UVRAG: variants seen among roughly 807,000 people sequenced by gnomAD.
UVRAG encodes UV radiation resistance-associated gene protein.
Under a neutral mutation model 78.0 loss-of-function variants are expected in UVRAG, and 19 were observed. That is an observed-to-expected ratio of 0.24 (90% CI 0.17 to 0.36). The LOEUF (loss-of-function observed/expected upper bound fraction) is 0.36, where lower values mean the gene tolerates loss of function less well. UVRAG is among the 10% of genes least tolerant of loss of function. UVRAG has a pLI of 1.00. For synonymous variants in UVRAG, 323 were observed against 324.6 expected, an observed-to-expected ratio of 1.00 and a Z score of 0.05; for missense variants, 740 against 853.8, an observed-to-expected ratio of 0.87 and a Z score of 1.66.
At chr11:76,109,896 CCCCT>C (rs1952041286) in intron 13 of UVRAG, among the ~76,000 whole-genome samples, 1 of 152,164 alleles carries the variant, frequency 6.6e-6, no homozygotes, top group African/African-American at 2.4e-5. Flanking sequence ...TTCACCAGGT[CCCCT>C]GACCACTCAC....
intron 12 of UVRAG, among the ~76,000 whole-genome samples, chr11:76,041,662 C>A (rs1950650236): frequency 6.6e-6 from 1 of 152,186 alleles, no homozygotes; most frequent in African/African-American, 2.4e-5. Flanking sequence ...AAATCTTACC[C>A]AAATTTATCT....
At chr11:75,976,878 C>T (rs1949255344) in intron 7 of UVRAG, among the ~76,000 whole-genome samples, 1 of 151,978 alleles carries the variant, frequency 6.6e-6, no homozygotes, top group South Asian at 2.1e-4. Context: ...TTCAGTTCTG[C>T]TCTCATCTTA....
At chr11:76,022,929 T>TTATA (rs537147831) in intron 12 of UVRAG, among the ~76,000 whole-genome samples, 58 of 152,296 alleles carry the variant, frequency 3.8e-4, no homozygotes, top group Admixed American at 9.2e-4. Flanking sequence ...TCTGTGTATT[T>TTATA]TATAGATTTT....
intron 1 of UVRAG, among the ~76,000 whole-genome samples, chr11:75,828,758 T>C (rs1029948617): frequency 4.0e-4 from 45 of 113,100 alleles, no homozygotes; most frequent in African/African-American, 1.6e-3. Context: ...CACACACATA[T>C]ATATATATAT....
intron 1 of UVRAG, chr11:75,839,026 T>G (rs1945850710): frequency 6.6e-6 from 1 of 152,264 alleles, no homozygotes. Flanking sequence ...CCTCGGCCTG[T>G]GTTATCAGAT....
chr11:76,007,813 T>C (rs984506393), intron 10 of UVRAG, among the ~76,000 whole-genome samples, 192 bp downstream of exon 10: 3 of 152,218 alleles, frequency 2.0e-5, no homozygotes, highest in Non-Finnish European at 2.9e-5. Flanking sequence ...TTCATTTATA[T>C]CACTTTGGTG....
chr11:76,027,722 G>C (rs576695807), intron 12 of UVRAG, among the ~76,000 whole-genome samples: 2 of 152,124 alleles, frequency 1.3e-5, no homozygotes, highest in African/African-American at 4.8e-5. Context: ...GGAATCCTAG[G>C]CATGTAAGTT....
intron 7 of UVRAG, among the ~76,000 whole-genome samples, chr11:75,982,703 T>G (rs1949417688): frequency 6.6e-6 from 1 of 152,190 alleles, no homozygotes; most frequent in Non-Finnish European, 1.5e-5. Flanking sequence ...GAAATCTACT[T>G]TTTGTTTCTA....
chr11:75,835,167 T>G (rs1475100109), intron 1 of UVRAG: 1 of 152,094 alleles, frequency 6.6e-6, no homozygotes, highest in Non-Finnish European at 1.5e-5. Context: ...GTGTGTATCA[T>G]GTGTATTTTT....
rs531449314 is a variant in UVRAG at position 76,034,823 on chromosome 11, C to T, written c.1226+17843C>T. ...CTTCCCATGATGCTCATTAGTTACTCCCATTAATATAAATGATGGCTCCCA... is the reference window on the plus strand; with the variant it reads ...CTTCCCATGATGCTCATTAGTTACTTCCATTAATATAAATGATGGCTCCCA... On this transcript the variant is annotated intron_variant, in intron 12 of 14. Coordinates refer to ENST00000356136, the MANE Select transcript of UVRAG (RefSeq NM_003369.4). Among the ~76,000 whole-genome samples, 6 of 152,190 alleles carry T rather than the reference C, an allele frequency of 3.9e-5. No homozygotes were observed. The South Asian group carries it at 1.2e-3, about 32-fold the overall frequency.
intron 11 of UVRAG, among the ~76,000 whole-genome samples, chr11:76,011,351 C>T (rs1317363926): frequency 6.6e-6 from 1 of 152,168 alleles, no homozygotes; most frequent in Non-Finnish European, 1.5e-5. Flanking sequence ...TGGCCGGGTG[C>T]GGTGGCTCAC....
intron 12 of UVRAG, among the ~76,000 whole-genome samples, chr11:76,063,535 A>C (rs2134377633): frequency 6.6e-6 from 1 of 152,302 alleles, no homozygotes; most frequent in East Asian, 1.9e-4. Flanking sequence ...AAGAGCTACA[A>C]GGTATGGTTC....
intron 6 of UVRAG, among the ~76,000 whole-genome samples, chr11:75,938,100 T>C (rs574116257): frequency 1.6e-4 from 23 of 145,642 alleles, no homozygotes; most frequent in Middle Eastern, 3.5e-3. Flanking sequence ...CACACACACA[T>C]ATATATATTT....
Position 75,815,506 on chromosome 11 carries a change from G to T in UVRAG, c.99G>T (p.Val33=). 8.1e-7 allele frequency: 1 copy of T among 1,239,426 alleles called. No homozygotes were observed. Among genetic ancestry groups the T allele is most frequent in the East Asian group, 3.1e-5 (1 of 31,786 alleles). 76.8% of individuals were successfully genotyped at this position (1,239,426 alleles called of 1,614,324 possible). The change falls in exon 1 of 15, where the codon GTG becomes GTT. Residue 33 remains valine, a synonymous_variant. Transcript: ENST00000356136. ...GTTCTGCCGCGCGGGCCCTGCATGTGGAGCTGCCGTCTCAGCAGGTAAGCC... is the reference window on the plus strand; with the variant it reads ...GTTCTGCCGCGCGGGCCCTGCATGTTGAGCTGCCGTCTCAGCAGGTAAGCC... ...PPGSAARALH[V]ELPSQQRRLR...
intron 8 of UVRAG, among the ~76,000 whole-genome samples, chr11:75,988,404 T>C (rs1215940905): frequency 6.6e-6 from 1 of 152,230 alleles, no homozygotes; most frequent in Non-Finnish European, 1.5e-5. Flanking sequence ...TCACTTAGCA[T>C]AGTAGCTTTG....
At chr11:75,996,730 A>C (rs1377132809) in intron 8 of UVRAG, among the ~76,000 whole-genome samples, 2 of 152,164 alleles carry the variant, frequency 1.3e-5, no homozygotes, top group Admixed American at 6.5e-5. Flanking sequence ...AGGAACATGA[A>C]GTTCAGAGAA....
chr11:75,929,792 T>C (rs1156512163), intron 6 of UVRAG, among the ~76,000 whole-genome samples: 2 of 152,166 alleles, frequency 1.3e-5, no homozygotes, highest in African/African-American at 2.4e-5. Context: ...TAAGGAATAA[T>C]TGAGAGTTTA....
At chr11:75,948,679 G>A (rs1453622597) in intron 6 of UVRAG, among the ~76,000 whole-genome samples, 1 of 152,100 alleles carries the variant, frequency 6.6e-6, no homozygotes, top group Non-Finnish European at 1.5e-5. Flanking sequence ...TATCATCGAT[G>A]GAAGATGTTA....
chr11:75,815,320 C>A lies in UVRAG; in HGVS notation c.-88C>A. On this transcript the variant is annotated 5_prime_UTR_variant, in exon 1 of 15. It adds an upstream start codon to the 5' untranslated region. Coordinates refer to ENST00000356136, the MANE Select transcript of UVRAG (RefSeq NM_003369.4). ...GCCTCTCGGGTGGCGGGTTTCTAGG[C>A]TGCAGGGGCTTGGTAGGTGGTGGCA... 1.5e-6 allele frequency: 1 copy of A among 686,778 alleles called. No homozygotes were observed. Among genetic ancestry groups the A allele is most frequent in the Non-Finnish European group, 2.1e-6 (1 of 483,552 alleles). 42.5% of individuals were successfully genotyped at this position (686,778 alleles called of 1,614,324 possible).
Sources: allele counts gnomAD v4.1 joint callset (sites outside exome capture counted in the v4.1 genomes callset), GRCh38; gene constraint gnomAD v4.1.1; transcripts MANE v1.5; gene names NCBI Gene and HGNC (gene_info 2026-07-23, HGNC 2026-07-21).